Variants in LHX2 observed in about 807,000 individuals in gnomAD.
LHX2 encodes LIM/homeobox protein Lhx2.
A neutral mutation model predicts 33.0 loss-of-function variants in LHX2; 6 were observed. The ratio of observed to expected loss-of-function variants is 0.18; its 90% CI spans 0.10 to 0.36. The LOEUF is 0.36. Among genes scored for constraint, LHX2 ranks in the 10% least tolerant of loss-of-function variants. LHX2 has a pLI of 1.00. For synonymous variants in LHX2, 292 were observed against 253.1 expected (o/e 1.15, Z -1.46); for missense variants, 442 against 586.2 (o/e 0.75, Z 2.54).
chr9:124,031,273 G>A (rs1225010232), intron 4 of LHX2, among the ~76,000 whole-genome samples: 2 of 152,268 alleles, frequency 1.3e-5, no homozygotes, highest in African/African-American at 2.4e-5. Context: ...TCCCCCAACC[G>A]ATGATGGGGA....
chr9:124,012,743 G>C lies in LHX2; in HGVS notation c.120+275G>C, dbSNP rs568139761. Among the ~76,000 whole-genome samples the C allele has an allele frequency of 6.6e-6, 1 of 152,338 alleles. No individual in the cohort carries two copies. Among genetic ancestry groups the C allele is most frequent in the South Asian group, 2.1e-4 (1 of 4,830 alleles). The stretch of plus-strand genomic sequence containing the variant: ...GAAGCGAAGTCCCATCCGCGGCCCG[G>C]GGCGGCTCCCTTCTCACCTTGCCCG... On this transcript the variant is annotated intron_variant, in intron 1 of 4. Coordinates refer to ENST00000373615, the MANE Select transcript of LHX2 (RefSeq NM_004789.4). The surrounding 1 kb of genome is among the most constrained non-coding windows in gnomAD (Gnocchi z 4.3).
intron 4 of LHX2, among the ~76,000 whole-genome samples, chr9:124,026,045 A>G (rs1828615648): frequency 6.6e-6 from 1 of 152,160 alleles, no homozygotes; most frequent in Admixed American, 6.5e-5. Context: ...AACCTGTGTG[A>G]GAATTTAGGA....
chr9:124,013,941 C>A lies in LHX2; in HGVS notation c.121-20C>A. The A allele has an allele frequency of 6.2e-7, 1 of 1,606,198 alleles. No individual in the cohort carries two copies. Among genetic ancestry groups the A allele is most frequent in the East Asian group, 2.2e-5 (1 of 44,734 alleles). On this transcript the variant is annotated intron_variant, in intron 1 of 4. Transcript: ENST00000373615. ...TGGCTGACGCAGGCGCTGCTGTCTTCCGCCTCCCTCCCTTCGCAGACCATG... is the reference window on the plus strand; with the variant it reads ...TGGCTGACGCAGGCGCTGCTGTCTTACGCCTCCCTCCCTTCGCAGACCATG...
At position 124,019,113 on chromosome 9, in the gene LHX2, A is replaced by G. The variant is rs192619406; in HGVS notation, c.728-1986A>G. ...CAAGCAGTTCTGGTGGATCAGGTTC[A>G]GAGGCATCCTCTGATCCCCTTTAAA... On this transcript the variant is annotated intron_variant, in intron 3 of 4. Coordinates refer to ENST00000373615, the MANE Select transcript of LHX2 (RefSeq NM_004789.4). Among the ~76,000 whole-genome samples, 25 of 152,348 alleles carry G rather than the reference A, an allele frequency of 1.6e-4. 1 individual carries two copies. The highest frequency in any genetic ancestry group is 7.8e-4 in the Admixed American group (12 of 15,310).
At chr9:124,030,627 CTTT>C (rs35399092) in intron 4 of LHX2, among the ~76,000 whole-genome samples, 17 of 105,572 alleles carry the variant, frequency 1.6e-4, no homozygotes, top group African/African-American at 4.8e-4. Flanking sequence ...TTTTTCTTTT[CTTT>C]TTTTTTTTTT....
intron 3 of LHX2, among the ~76,000 whole-genome samples, chr9:124,019,747 G>A (rs1285710152): frequency 6.6e-6 from 1 of 152,178 alleles, no homozygotes; most frequent in Non-Finnish European, 1.5e-5. Context: ...GGTATGTGAT[G>A]AGGGCACAAG....
At position 124,016,065 on chromosome 9, in the gene LHX2, G is replaced by T. The variant is rs1406451552; in HGVS notation, c.727+540G>T. ...TGGGGAACTCAGGAAAGCAAAGGCT[G>T]CGGTTCCTTTTGCTCGGCCCGATCC... On this transcript the variant is annotated intron_variant, in intron 3 of 4. Coordinates refer to ENST00000373615, the MANE Select transcript of LHX2 (RefSeq NM_004789.4). This position sits in a 1 kb window ranked among gnomAD's most constrained non-coding sequence, Gnocchi z 4.4. 1.3e-5 allele frequency among the ~76,000 whole-genome samples: 2 copies of T among 152,264 alleles called. No homozygotes were observed. Among genetic ancestry groups the T allele is most frequent in the East Asian group, 3.8e-4 (2 of 5,200 alleles).
At position 124,015,109 on chromosome 9, in the gene LHX2, A is replaced by C. The variant is rs748503764; in HGVS notation, c.324-13A>C. On this transcript the variant is annotated splice_polypyrimidine_tract_variant and intron_variant, in intron 2 of 4. Transcript: ENST00000373615. This position sits in a 1 kb window ranked among gnomAD's most constrained non-coding sequence, Gnocchi z 7.9. ...GTGTGTTCCCACAGCCCCTCCCTCC[A>C]TGGTCCCTACAGGCGCTTCTCTGTG... is the stretch of plus-strand genomic sequence containing the variant. 1.9e-6 allele frequency: 3 copies of C among 1,610,580 alleles called. No homozygotes were observed. Among genetic ancestry groups the C allele is most frequent in the South Asian group, 1.1e-5 (1 of 91,076 alleles).
Position 124,030,999 on chromosome 9 carries a change from G to A in LHX2, c.934-1421G>A, listed in dbSNP as rs762660812. On this transcript the variant is annotated intron_variant, in intron 4 of 4. Transcript: ENST00000373615. ...TGTGTGCAAAGATATGGGAGTGGAC[G>A]CGTGTGTGTCTGTGCCCAAGGAAAA... is the stretch of plus-strand genomic sequence containing the variant. 7.2e-5 allele frequency among the ~76,000 whole-genome samples: 11 copies of A among 152,246 alleles called. No homozygotes were observed. The South Asian group carries it at 8.3e-4, about 11-fold the overall frequency.
intron 4 of LHX2, among the ~76,000 whole-genome samples, chr9:124,025,871 G>T (rs914064927): frequency 6.6e-6 from 1 of 152,094 alleles, no homozygotes; most frequent in Admixed American, 6.5e-5. Context: ...TGTAGTCCCA[G>T]GTACTCGGGA....
At chr9:124,018,547 C>A (rs1050908816) in intron 3 of LHX2, among the ~76,000 whole-genome samples, 3 of 152,208 alleles carry the variant, frequency 2.0e-5, no homozygotes, top group Admixed American at 2.0e-4. Context: ...CTCTACTCCC[C>A]CGCCAATAAC....
Position 124,013,945 on chromosome 9 carries a change from C to T in LHX2, c.121-16C>T, listed in dbSNP as rs1859137876. The stretch of plus-strand genomic sequence containing the variant: ...TGACGCAGGCGCTGCTGTCTTCCGC[C>T]TCCCTCCCTTCGCAGACCATGCCGT... On this transcript the variant is annotated splice_polypyrimidine_tract_variant and intron_variant, in intron 1 of 4. Transcript: ENST00000373615. 3 of 1,608,178 alleles carry T rather than the reference C, an allele frequency of 1.9e-6. No homozygotes were observed. The highest frequency in any genetic ancestry group is 1.3e-5 in the African/African-American group (1 of 74,846).
intron 3 of LHX2, 107 bp from the exon 4 acceptor site, chr9:124,020,992 C>G (rs1458291053): frequency 3.1e-6 from 3 of 953,600 alleles, no homozygotes; most frequent in South Asian, 1.5e-5. Context: ...CGCAGACATG[C>G]AGCAGGGTTA....
chr9:124,013,417 G>C (rs1859127643), intron 1 of LHX2, among the ~76,000 whole-genome samples: 1 of 152,234 alleles, frequency 6.6e-6, no homozygotes, highest in Non-Finnish European at 1.5e-5. Context: ...GCCCCAGCCC[G>C]TGTGGCAGAG....
intron 4 of LHX2, among the ~76,000 whole-genome samples, chr9:124,026,553 G>A (rs146262786): frequency 1.3e-5 from 2 of 152,104 alleles, no homozygotes; most frequent in African/African-American, 4.8e-5. Context: ...AATTGACAAG[G>A]TGCCAAGATT....
chr9:124,029,718 C>A lies in LHX2; in HGVS notation c.934-2702C>A, dbSNP rs76378884. On this transcript the variant is annotated intron_variant, in intron 4 of 4. Coordinates refer to ENST00000373615, the MANE Select transcript of LHX2 (RefSeq NM_004789.4). ...ACCCTCAAACCCTCGACCCAGGCTC[C>A]CCGCTCCAGCTACTGCTCTGAGAGT... Among the ~76,000 whole-genome samples, 403 of 152,318 alleles carry A rather than the reference C, an allele frequency of 2.6e-3. 6 individuals are homozygous for A. The highest frequency in any genetic ancestry group is 0.02 in the East Asian group (103 of 5,184).
intron 4 of LHX2, among the ~76,000 whole-genome samples, chr9:124,025,171 G>C (rs375376969): frequency 8.5e-5 from 13 of 152,212 alleles, no homozygotes; most frequent in African/African-American, 3.1e-4. Context: ...GGGCACTGTG[G>C]CTCACGCCTG....
intron 3 of LHX2, among the ~76,000 whole-genome samples, chr9:124,020,662 A>G (rs1276187996): frequency 6.6e-6 from 1 of 152,112 alleles, no homozygotes; most frequent in South Asian, 2.1e-4. Context: ...CAGTTTCAAC[A>G]TCTGTAAAAA....
intron 4 of LHX2, among the ~76,000 whole-genome samples, chr9:124,026,858 G>A (rs781100927): frequency 6.6e-6 from 1 of 152,210 alleles, no homozygotes; most frequent in Non-Finnish European, 1.5e-5. Flanking sequence ...GTCAGGGAAG[G>A]CTTCCCTGAG....
Sources: allele counts gnomAD v4.1 joint callset (sites outside exome capture counted in the v4.1 genomes callset), GRCh38; gene constraint gnomAD v4.1.1; non-coding constraint Gnocchi (gnomAD v3.1); transcripts MANE v1.5; gene names NCBI Gene and HGNC (gene_info 2026-07-23, HGNC 2026-07-21).